Variants in COL1A2 observed in about 807,000 individuals in gnomAD.
COL1A2 encodes collagen alpha-2(I) chain.
A neutral mutation model predicts 174.3 loss-of-function variants in COL1A2; 49 were observed. That is an observed-to-expected ratio of 0.28 (90% CI 0.22 to 0.36). COL1A2 has a LOEUF of 0.36. Among genes scored for constraint, COL1A2 ranks in the 10% least tolerant of loss-of-function variants. COL1A2 has a pLI of 1.00. For missense variants in COL1A2, 1,438 were observed against 1,822.7 expected (o/e 0.79, Z 3.84); for synonymous variants, 655 against 606.6 (o/e 1.08, Z -1.17).
intron 4 of COL1A2, among the ~76,000 whole-genome samples, chr7:94,399,296 C>T (rs1307992088): frequency 6.6e-6 from 1 of 152,138 alleles, no homozygotes; most frequent in African/African-American, 2.4e-5. Flanking sequence ...AAAAGAAAAA[C>T]TGTTACAGTC....
At chr7:94,423,419 C>CAATTAATTAATAT (rs1792209588) in intron 40 of COL1A2, 1 of 416,904 alleles carries the variant, frequency 2.4e-6, no homozygotes, top group Non-Finnish European at 4.5e-6. Context: ...CTGTGGCCAT[C>CAATTAATTAATAT]CTACTACATA....
intron 23 of COL1A2, 122 bp downstream of exon 23, chr7:94,411,276 C>A: frequency 1.2e-6 from 1 of 811,064 alleles, no homozygotes; most frequent in Non-Finnish European, 2.0e-6. Context: ...GTCTTGCTGA[C>A]AGTTGCATTT....
Position 94,408,863 on chromosome 7 carries a change from T to G in COL1A2, c.792+40T>G, listed in dbSNP as rs930835440. 5.1e-6 allele frequency: 8 copies of G among 1,560,516 alleles called. No individual in the cohort carries two copies. The African/African-American group carries it at 8.1e-5, about 16-fold the overall frequency. ...GACCATTGTCACTACTTTGATAAACTTTTTACTGTGATGTGAAAGATTGGA... is the reference window on the plus strand; with the variant it reads ...GACCATTGTCACTACTTTGATAAACGTTTTACTGTGATGTGAAAGATTGGA... On this transcript the variant is annotated intron_variant, in intron 16 of 51. Coordinates refer to ENST00000297268, the MANE Select transcript of COL1A2 (RefSeq NM_000089.4).
At chr7:94,413,561 A>C in intron 26 of COL1A2, 129 bp from the exon 27 acceptor site, 3 of 906,580 alleles carry the variant, frequency 3.3e-6, no homozygotes, top group Non-Finnish European at 5.4e-6. Context: ...CTTTCGTGGG[A>C]ACCCACAATG....
chr7:94,413,556 G>T (rs761483701), intron 26 of COL1A2, 134 bp from the exon 27 acceptor site: 1 of 871,900 alleles, frequency 1.1e-6, no homozygotes, highest in Non-Finnish European at 1.9e-6. Context: ...TTGGGCTTTC[G>T]TGGGAACCCA....
Position 94,395,119 on chromosome 7 carries a change from GT to G in COL1A2, c.70+21del. 1 of 1,611,142 alleles carries G rather than the reference GT, an allele frequency of 6.2e-7. No homozygotes were observed. Among genetic ancestry groups the G allele is most frequent in the Non-Finnish European group, 8.5e-7 (1 of 1,177,328 alleles). On this transcript the variant is annotated intron_variant, in intron 1 of 51. Transcript: ENST00000297268. The stretch of plus-strand genomic sequence containing the variant: ...ATGCCAATGTAAGTGCCTTCAGCTT[GT>G]TTGGGGGAGACTGGGTAGAGAGGTT...
Position 94,404,453 on chromosome 7 carries a change from T to A in COL1A2, c.280-103T>A, listed in dbSNP as rs1041996521. The A allele has an allele frequency of 4.9e-6, 6 of 1,233,830 alleles. No individual in the cohort carries two copies. In the African/African-American group the frequency reaches 8.9e-5, roughly 18 times the overall value. 76.4% of individuals were successfully genotyped at this position (1,233,830 alleles called of 1,614,324 possible). On this transcript the variant is annotated intron_variant, in intron 6 of 51. Transcript: ENST00000297268. ...CTTGGGAGGAATAAAAACTATGGAA[T>A]CAAACCACAACAATGGCACTGCTAA...
In COL1A2 at chr7:94,430,237, C is replaced by G; in HGVS notation, c.3955-10C>G. On this transcript the variant is annotated splice_polypyrimidine_tract_variant and intron_variant, in intron 51 of 51. Transcript: ENST00000297268. ...ATGCTTTGTGTATCTATTTTCTTCT[C>G]TTTAAACAGAAAAAGACAAATGAAT... 1 of 1,613,096 alleles carries G rather than the reference C, an allele frequency of 6.2e-7. No homozygotes were observed. Among genetic ancestry groups the G allele is most frequent in the Non-Finnish European group, 8.5e-7 (1 of 1,179,264 alleles).
At position 94,424,547 on chromosome 7, in the gene COL1A2, T is replaced by A. The variant is rs902620789; in HGVS notation, c.2673+104T>A. 11 of 1,053,294 alleles carry A rather than the reference T, an allele frequency of 1.0e-5. No homozygotes were observed. The Admixed American group carries it at 1.1e-4, about 11-fold the overall frequency. 65.2% of individuals were successfully genotyped at this position (1,053,294 alleles called of 1,614,324 possible). A position where few individuals can be genotyped will look rare whatever the true frequency, so the allele number is the denominator to read the frequency against. ...ATCACTGAATAACTTCACTTAAGAT[T>A]TTTATTCATGGCATTTTCTTTATAC... On this transcript the variant is annotated intron_variant, in intron 41 of 51. Coordinates refer to ENST00000297268, the MANE Select transcript of COL1A2 (RefSeq NM_000089.4).
intron 12 of COL1A2, among the ~76,000 whole-genome samples, chr7:94,407,104 A>G (rs527903675): frequency 4.8e-4 from 73 of 152,268 alleles, no homozygotes; most frequent in Non-Finnish European, 9.1e-4. Context: ...CAGAGGTGGG[A>G]AACTGAGGCT....
chr7:94,404,958 T>C, intron 9 of COL1A2, 66 bp downstream of exon 9: 2 of 1,568,582 alleles, frequency 1.3e-6, no homozygotes, highest in South Asian at 1.1e-5. Context: ...CAAGATTTTC[T>C]AGATTCAAAT....
chr7:94,423,991 A>G, intron 40 of COL1A2: 1 of 293,632 alleles, frequency 3.4e-6, no homozygotes, highest in South Asian at 3.7e-5. Flanking sequence ...CCTACTATGT[A>G]CAACTATTAT....
Position 94,425,846 on chromosome 7 carries a change from C to T in COL1A2, c.2932C>T (p.Arg978Cys), listed in dbSNP as rs145633247. Reference sequence around the variant, plus strand: ...GGGTCCTGCTGGCAAACATGGAAACCGTGGTGAAACTGTAAGTTTGTGAAT... The same window carrying T: ...GGGTCCTGCTGGCAAACATGGAAACTGTGGTGAAACTGTAAGTTTGTGAAT... ...PVGPAGKHGNRGETGPSGPVG... is the reference protein window; with the variant it reads ...PVGPAGKHGNCGETGPSGPVG... The change falls in exon 44 of 52, where the codon CGT (arginine) becomes TGT (cysteine). Residue 978 changes from arginine to cysteine, a missense_variant. Arg to Cys is a radical substitution (Grantham distance 180). Transcript: ENST00000297268. The T allele has an allele frequency of 9.9e-6, 16 of 1,610,248 alleles. No homozygotes were observed. Among genetic ancestry groups the T allele is most frequent in the Middle Eastern group, 1.6e-4 (1 of 6,080 alleles).
At chr7:94,399,810 C>T (rs898344402) in intron 4 of COL1A2, among the ~76,000 whole-genome samples, 1 of 152,084 alleles carries the variant, frequency 6.6e-6, no homozygotes, top group African/African-American at 2.4e-5. Context: ...ATGTAACATA[C>T]CAAAACAATT....
Position 94,424,423 on chromosome 7 carries a change from C to T in COL1A2, c.2653C>T (p.Pro885Ser). ...LPGSRGERGLPGVAGAVGEPG... is the reference protein window; with the variant it reads ...LPGSRGERGLSGVAGAVGEPG... ...TGGCTCGAGAGGTGAACGTGGTCTACCAGGTGTTGCTGGTGCTGTGGTGAG... is the reference window on the plus strand; with the variant it reads ...TGGCTCGAGAGGTGAACGTGGTCTATCAGGTGTTGCTGGTGCTGTGGTGAG... Residue 885 changes from proline to serine, a missense_variant, in exon 41 of 52, where the codon CCA becomes TCA. By Grantham distance (74) the Pro-to-Ser change is moderately conservative (BLOSUM62 -1). Transcript: ENST00000297268. 1 of 1,614,068 alleles carries T rather than the reference C, an allele frequency of 6.2e-7. No homozygotes were observed. The highest frequency in any genetic ancestry group is 8.5e-7 in the Non-Finnish European group (1 of 1,179,970).
chr7:94,408,522 A>G (rs1410385815), intron 15 of COL1A2, 142 bp downstream of exon 15: 3 of 1,133,912 alleles, frequency 2.6e-6, no homozygotes, highest in Non-Finnish European at 3.9e-6. Context: ...TCCATTTATA[A>G]GTAGTGTAAG....
At chr7:94,411,818 G>A (rs1791933998) in intron 23 of COL1A2, among the ~76,000 whole-genome samples, 1 of 152,160 alleles carries the variant, frequency 6.6e-6, no homozygotes. Context: ...TTGCTTAACA[G>A]TTTCTTGAGA....
intron 42 of COL1A2, 37 bp downstream of exon 42, chr7:94,425,261 C>T: frequency 1.9e-6 from 3 of 1,569,468 alleles, no homozygotes; most frequent in Non-Finnish European, 1.8e-6. Flanking sequence ...TAAAACTGAG[C>T]AGGATTTCAT....
chr7:94,429,038 A>T, intron 50 of COL1A2, 150 bp from the exon 51 acceptor site: 1 of 671,016 alleles, frequency 1.5e-6, no homozygotes, highest in Non-Finnish European at 2.5e-6. Context: ...CAAGTGAATT[A>T]AGTTTTCTTT....
Sources: allele counts gnomAD v4.1 joint callset (sites outside exome capture counted in the v4.1 genomes callset), GRCh38; gene constraint gnomAD v4.1.1; transcripts MANE v1.5; gene names NCBI Gene and HGNC (gene_info 2026-07-23, HGNC 2026-07-21).